The following KLRG1 variants were observed in gnomAD, a reference collection of about 807,000 sequenced individuals.
KLRG1 encodes the protein killer cell lectin-like receptor subfamily G member 1.
In KLRG1, 16 loss-of-function variants were observed where a neutral mutation model predicts 21.8. The ratio of observed to expected loss-of-function variants is 0.73; its 90% CI spans 0.50 to 1.11. KLRG1 has a LOEUF of 1.11. Ranked by LOEUF, KLRG1 falls within the 50% of genes most tolerant of loss-of-function variation. The pLI, the probability that KLRG1 is intolerant of heterozygous loss-of-function variation, is 0.00. For synonymous variants in KLRG1, 69 were observed against 75.9 expected, an observed-to-expected ratio of 0.91 and a Z score of 0.47; for missense variants, 173 against 218.3, an observed-to-expected ratio of 0.79 and a Z score of 1.31.
chr12:9,160,344 T>C, the KLRG1 span: 4 of 1,613,922 alleles, frequency 2.5e-6, no homozygotes, highest in African/African-American at 5.3e-5. Context: ...GCCTTGGCCT[T>C]GATCTCCTGC....
chr12:9,126,133 A>G, the KLRG1 span, among the ~76,000 whole-genome samples: 7 of 152,252 alleles, frequency 4.6e-5, no homozygotes, highest in Non-Finnish European at 1.0e-4. Flanking sequence ...CAGGGTGAGC[A>G]TATAACTCAA....
the KLRG1 span, chr12:9,208,314 A>G: frequency 6.2e-7 from 1 of 1,613,674 alleles, no homozygotes; most frequent in Non-Finnish European, 8.5e-7. Flanking sequence ...AGCACAAGAC[A>G]TAAATGAAGA....
chr12:9,096,006 G>T, the KLRG1 span, among the ~76,000 whole-genome samples: 1 of 151,578 alleles, frequency 6.6e-6, no homozygotes, highest in Non-Finnish European at 1.5e-5. Context: ...TGATCCACCC[G>T]CCTCGGCCTC....
the KLRG1 span, among the ~76,000 whole-genome samples, chr12:9,117,217 G>A: frequency 6.6e-6 from 1 of 152,266 alleles, no homozygotes; most frequent in East Asian, 1.9e-4. Context: ...AATCAGAAAG[G>A]AATTTGTCAA....
the KLRG1 span, among the ~76,000 whole-genome samples, chr12:9,164,868 A>G: frequency 5.3e-5 from 8 of 152,248 alleles, no homozygotes; most frequent in Non-Finnish European, 1.2e-4. Context: ...TGTTCCTGGC[A>G]TATAACCTAA....
At chr12:9,140,300 GT>G in the KLRG1 span, among the ~76,000 whole-genome samples, 1 of 152,152 alleles carries the variant, frequency 6.6e-6, no homozygotes, top group Non-Finnish European at 1.5e-5. Flanking sequence ...CCATGCTATG[GT>G]TTTTTTCCCA....
At chr12:9,112,534 G>A in the KLRG1 span, 4 of 1,613,502 alleles carry the variant, frequency 2.5e-6, no homozygotes, top group Admixed American at 5.0e-5. Flanking sequence ...AAGACTTTGG[G>A]ACCTGAAATA....
chr12:9,149,082 G>T, the KLRG1 span: 1 of 1,240,480 alleles, frequency 8.1e-7, no homozygotes, highest in Non-Finnish European at 1.2e-6. Context: ...GCTTATGCAG[G>T]GTCAGGAAAC....
At chr12:9,077,497 T>C in the KLRG1 span, 2 of 1,488,092 alleles carry the variant, frequency 1.3e-6, no homozygotes, top group African/African-American at 2.8e-5. Context: ...TTCTGCTGTG[T>C]CATGGAATTC....
the KLRG1 span, among the ~76,000 whole-genome samples, chr12:9,086,745 TG>T: frequency 6.6e-6 from 1 of 152,322 alleles, no homozygotes; most frequent in Non-Finnish European, 1.5e-5. Flanking sequence ...GGATACCCAC[TG>T]CCACCATTTA....
chr12:9,172,575 C>T, the KLRG1 span, among the ~76,000 whole-genome samples: 1 of 152,120 alleles, frequency 6.6e-6, no homozygotes, highest in Non-Finnish European at 1.5e-5. Flanking sequence ...CATCAGTATG[C>T]TATCTTCAAG....
chr12:9,118,231 A>T, the KLRG1 span, among the ~76,000 whole-genome samples: 1 of 152,158 alleles, frequency 6.6e-6, no homozygotes. Flanking sequence ...AGAACTCCCG[A>T]TCCTTTGCTG....
chr12:9,060,508 T>C, the KLRG1 span, among the ~76,000 whole-genome samples: 1 of 152,070 alleles, frequency 6.6e-6, no homozygotes, highest in African/African-American at 2.4e-5. Flanking sequence ...GGTGGGCGCC[T>C]ATAGTTCCAG....
the KLRG1 span, chr12:9,067,613 A>T: frequency 3.1e-6 from 2 of 650,824 alleles, no homozygotes; most frequent in South Asian, 3.2e-5. Flanking sequence ...GAAGTCCTTC[A>T]GCACTTGATT....
At chr12:9,032,395 G>A in the KLRG1 span, among the ~76,000 whole-genome samples, 2 of 152,198 alleles carry the variant, frequency 1.3e-5, no homozygotes, top group African/African-American at 4.8e-5. Flanking sequence ...ATGACAGTAA[G>A]AGAAAACTGA....
the KLRG1 span, chr12:9,157,252 T>C: frequency 6.2e-7 from 1 of 1,614,190 alleles, no homozygotes; most frequent in Admixed American, 1.7e-5. Context: ...GGAAAAAGCA[T>C]AGGCCAGCAA....
chr12:8,967,870 T>A lies in KLRG1; in HGVS notation c.-156+17634T>A, dbSNP rs368411195. On this transcript the variant is annotated intron_variant, in intron 1 of 4. Transcript: ENST00000539240. ...TATACATGAAGTAGTATAGTATTATTTGAAAGCAGAATGTGACTAAAGATG... is the reference window on the plus strand; with the variant it reads ...TATACATGAAGTAGTATAGTATTATATGAAAGCAGAATGTGACTAAAGATG... Among the ~76,000 whole-genome samples the A allele has an allele frequency of 1.3e-3, 196 of 152,156 alleles. 1 individual carries two copies. Among genetic ancestry groups the A allele is most frequent in the South Asian group, 0.012 (58 of 4,806 alleles).
At chr12:9,067,498 C>A in the KLRG1 span, 2 of 399,964 alleles carry the variant, frequency 5.0e-6, no homozygotes, top group African/African-American at 4.1e-5. Context: ...TAACCAAACA[C>A]ACTTTACACT....
chr12:9,074,676 G>C, the KLRG1 span: 4 of 1,613,890 alleles, frequency 2.5e-6, no homozygotes, highest in Admixed American at 6.7e-5. Context: ...AGATAAGCGA[G>C]GAGCACATAG....
Sources: gnomAD v4.1 joint callset for allele counts (sites outside exome capture counted in the v4.1 genomes callset) on GRCh38, gnomAD v4.1.1 for gene constraint, MANE v1.5 for transcripts, NCBI Gene and HGNC (gene_info 2026-07-23, HGNC 2026-07-21) for gene names.